Variants in DCHS2 observed in about 807,000 individuals in gnomAD.
DCHS2 encodes dachsous cadherin-related 2, also known as protocadherin-23.
Under a neutral mutation model 182.4 loss-of-function variants are expected in DCHS2, and 142 were observed. The observed-to-expected ratio is 0.78, with a 90% CI of 0.68 to 0.89. The LOEUF is 0.89. DCHS2 is among the 40% of genes least tolerant of loss of function. The probability of loss-of-function intolerance (pLI) is 0.00; values close to 1 mark genes in which losing one functional copy is unlikely to be tolerated. For synonymous variants in DCHS2, 1,740 were observed against 1,663.3 expected, an observed-to-expected ratio of 1.05 and a Z score of -1.12; for missense variants, 4,319 against 4,198.6, an observed-to-expected ratio of 1.03 and a Z score of -0.79.
At chr4:154,305,488 A>G (rs1735407648) in intron 10 of DCHS2, among the ~76,000 whole-genome samples, 1 of 152,106 alleles carries the variant, frequency 6.6e-6, no homozygotes, top group South Asian at 2.1e-4. Context: ...TTTCCTTCCC[A>G]TAAAAAATTT....
At chr4:154,294,054 G>A (rs556033921) in intron 13 of DCHS2, among the ~76,000 whole-genome samples, 18 of 152,182 alleles carry the variant, frequency 1.2e-4, no homozygotes, top group African/African-American at 4.1e-4. Flanking sequence ...AGACATTTGG[G>A]GAATACCCAC....
intron 3 of DCHS2, 104 bp downstream of exon 3, chr4:154,366,106 C>A (rs1411193306): frequency 2.7e-5 from 21 of 783,498 alleles, no homozygotes; most frequent in Non-Finnish European, 2.1e-6. Flanking sequence ...TCCTGCAACA[C>A]CCCCATTATT....
intron 1 of DCHS2, among the ~76,000 whole-genome samples, chr4:154,456,615 T>G (rs1734778777): frequency 6.6e-6 from 1 of 151,844 alleles, no homozygotes; most frequent in South Asian, 2.1e-4. Flanking sequence ...AGTGAGGGAA[T>G]TACAGGCACA....
intron 1 of DCHS2, among the ~76,000 whole-genome samples, chr4:154,399,881 A>G (rs1732085146): frequency 6.6e-6 from 1 of 152,210 alleles, no homozygotes. Context: ...AGGATATGCT[A>G]CGCTGCTGTG....
In DCHS2 at chr4:154,333,415, A is replaced by G. The variant is rs1366369498; in HGVS notation, c.2793T>C (p.Thr931=). The change falls in exon 5 of 20, where the codon ACT becomes ACC. Residue 931 remains threonine (T), a synonymous_variant. Transcript: ENST00000357232. The stretch of plus-strand genomic sequence containing the variant: ...GATCCAGGGGCTTCCGGGTGCGAAT[A>G]GTGCCCAGCCGCGGGTGAATGGAGA... ...GKFSIHPRLG[T]IRTRKPLDHE... 1.2e-6 allele frequency: 2 copies of G among 1,614,136 alleles called. No individual in the cohort carries two copies. Among genetic ancestry groups the G allele is most frequent in the Non-Finnish European group, 1.7e-6 (2 of 1,180,032 alleles).
At chr4:154,446,128 G>A (rs543760286) in intron 1 of DCHS2, among the ~76,000 whole-genome samples, 11 of 152,186 alleles carry the variant, frequency 7.2e-5, no homozygotes, top group African/African-American at 9.6e-5. Context: ...GATATGTGGC[G>A]TCAGCTCTTA....
chr4:154,275,102 G>C (rs890765885), intron 13 of DCHS2, among the ~76,000 whole-genome samples: 2 of 151,722 alleles, frequency 1.3e-5, no homozygotes, highest in Admixed American at 1.3e-4. Flanking sequence ...AAAAGAAAAG[G>C]CTCTGGAACA....
Position 154,320,851 on chromosome 4 carries a change from C to A in DCHS2, c.4548G>T (p.Val1516=), listed in dbSNP as rs556229617. ...TGGGAACATTCTCCTCTACACTGAT[C>A]ACAATGAGCTCATCCTGGAAAGATG... ...HSPSFQDELI[V]ISVEENVPIG... Residue 1516 remains valine, a synonymous_variant, in exon 9 of 20, where the codon GTG becomes GTT. Transcript: ENST00000357232. 2.5e-6 allele frequency: 4 copies of A among 1,614,022 alleles called. No homozygotes were observed. In the South Asian group the frequency reaches 4.4e-5, roughly 18 times the overall value.
chr4:154,445,711 T>C (rs1734255831), intron 1 of DCHS2, among the ~76,000 whole-genome samples: 1 of 150,714 alleles, frequency 6.6e-6, no homozygotes. Context: ...CTAGGGAGGC[T>C]GAAGTGGGAG....
At chr4:154,424,372 A>G (rs1355378013) in intron 1 of DCHS2, among the ~76,000 whole-genome samples, 1 of 152,208 alleles carries the variant, frequency 6.6e-6, no homozygotes, top group Non-Finnish European at 1.5e-5. Flanking sequence ...AAAAAGAAAT[A>G]AAAAGCTTCC....
At chr4:154,338,108 C>G (rs1192075733) in intron 3 of DCHS2, among the ~76,000 whole-genome samples, 8 of 152,162 alleles carry the variant, frequency 5.3e-5, no homozygotes, top group African/African-American at 1.7e-4. Context: ...CCACTTAGCT[C>G]TAGCTACCAC....
At chr4:154,271,975 G>A (rs549484389) in intron 13 of DCHS2, among the ~76,000 whole-genome samples, 1 of 152,132 alleles carries the variant, frequency 6.6e-6, no homozygotes, top group South Asian at 2.1e-4. Context: ...TCACTGATCT[G>A]CTTTCTATAA....
At chr4:154,285,639 A>T (rs971682632) in intron 13 of DCHS2, among the ~76,000 whole-genome samples, 4 of 151,442 alleles carry the variant, frequency 2.6e-5, no homozygotes, top group African/African-American at 9.7e-5. Context: ...TATGAGAGAG[A>T]CTCTTATGCT....
chr4:154,433,801 T>C (rs1733665066), intron 1 of DCHS2, among the ~76,000 whole-genome samples: 1 of 152,216 alleles, frequency 6.6e-6, no homozygotes, highest in South Asian at 2.1e-4. Context: ...CTGCTCTCAC[T>C]GGCTCCAGGC....
chr4:154,315,847 C>T lies in DCHS2; in HGVS notation c.5161G>A (p.Ala1721Thr). The T allele has an allele frequency of 2.5e-6, 4 of 1,613,986 alleles. No homozygotes were observed. The East Asian group carries it at 8.9e-5, about 36-fold the overall frequency. Reference sequence around the variant, plus strand: ...TACAGGTGCTGCTTAAATACTGGAGCTTCATCATTTACATCAAGAACAGTA... The same window carrying T: ...TACAGGTGCTGCTTAAATACTGGAGTTTCATCATTTACATCAAGAACAGTA... ...TVTVLDVNDEAPVFKQHLYEA... is the reference protein window; with the variant it reads ...TVTVLDVNDETPVFKQHLYEA... The change falls in exon 10 of 20, where the codon GCT (alanine) becomes ACT (threonine). Residue 1721 changes from alanine (A) to threonine (T), a missense_variant. Transcript: ENST00000357232.
At chr4:154,422,670 T>C (rs1391291261) in intron 1 of DCHS2, among the ~76,000 whole-genome samples, 3 of 152,180 alleles carry the variant, frequency 2.0e-5, no homozygotes, top group Admixed American at 1.3e-4. Context: ...ATCAAAGTCT[T>C]CTATGTGACC....
intron 1 of DCHS2, among the ~76,000 whole-genome samples, chr4:154,481,065 T>C (rs1301627384): frequency 6.6e-6 from 1 of 152,198 alleles, no homozygotes; most frequent in Non-Finnish European, 1.5e-5. Context: ...TGATGTCCCT[T>C]TTTGTTGGTA....
chr4:154,455,828 G>A (rs1031195354), intron 1 of DCHS2, among the ~76,000 whole-genome samples: 7 of 152,190 alleles, frequency 4.6e-5, no homozygotes, highest in African/African-American at 7.2e-5. Context: ...AGTGGCTCAC[G>A]AATGTAATCT....
chr4:154,470,261 T>G lies in DCHS2; in HGVS notation c.2052+19043A>C, dbSNP rs576794147. Among the ~76,000 whole-genome samples, 14 of 152,226 alleles carry G rather than the reference T, an allele frequency of 9.2e-5. No individual in the cohort carries two copies. The South Asian group carries it at 2.7e-3, about 29-fold the overall frequency. On this transcript the variant is annotated intron_variant, in intron 1 of 19. Transcript: ENST00000357232. Reference sequence around the variant, plus strand: ...GGGAGGCTGAGCTTGGAGGATCAATTGAGCCTCAATTGAGGAGTTTGAGGC... The same window carrying G: ...GGGAGGCTGAGCTTGGAGGATCAATGGAGCCTCAATTGAGGAGTTTGAGGC...
Sources: allele counts gnomAD v4.1 joint callset (sites outside exome capture counted in the v4.1 genomes callset), GRCh38; gene constraint gnomAD v4.1.1; transcripts MANE v1.5; gene names NCBI Gene and HGNC (gene_info 2026-07-23, HGNC 2026-07-21).